TAB2: variants seen among roughly 807,000 people sequenced by gnomAD.
TAB2 encodes the protein TGF-beta-activated kinase 1 and MAP3K7-binding protein 2.
TAB2 carries 3 observed loss-of-function variants against 65.0 expected under a neutral mutation model. The observed-to-expected ratio is 0.05, with a 90% confidence interval of 0.02 to 0.12. The LOEUF is 0.12. TAB2 is among the 10% of genes least tolerant of loss of function. TAB2 has a pLI of 1.00. For missense variants in TAB2, 623 were observed against 840.3 expected (o/e 0.74, Z 3.20); for synonymous variants, 298 against 285.1 (o/e 1.05, Z -0.46).
At chr6:149,275,966 A>C (rs1418332986) in intron 1 of TAB2, among the ~76,000 whole-genome samples, 1 of 152,208 alleles carries the variant, frequency 6.6e-6, no homozygotes, top group African/African-American at 2.4e-5. Context: ...CCTGGGTAGG[A>C]TCCTGAAACA....
chr6:149,308,320 C>T (rs1183909197), intron 1 of TAB2, among the ~76,000 whole-genome samples: 1 of 152,110 alleles, frequency 6.6e-6, no homozygotes, highest in Non-Finnish European at 1.5e-5. Flanking sequence ...CTCCCACTCC[C>T]AGGATACAAG....
chr6:149,308,729 C>T (rs553674868), intron 1 of TAB2, among the ~76,000 whole-genome samples: 72 of 152,072 alleles, frequency 4.7e-4, no homozygotes, highest in South Asian at 2.1e-3. Context: ...GGTTTCACCA[C>T]GTTGACCAGG....
At chr6:149,357,539 T>C (rs1468929661) in intron 1 of TAB2, among the ~76,000 whole-genome samples, 1 of 151,940 alleles carries the variant, frequency 6.6e-6, no homozygotes, top group African/African-American at 2.4e-5. Context: ...CATTATACAT[T>C]GTTTAATTTA....
chr6:149,327,264 CAG>C (rs1487466256), intron 1 of TAB2, among the ~76,000 whole-genome samples: 7 of 150,120 alleles, frequency 4.7e-5, no homozygotes, highest in Admixed American at 3.3e-4. Flanking sequence ...AAATTTAAGA[CAG>C]ATTAAATGTT....
chr6:149,231,381 G>A (rs6910470), intron 1 of TAB2, among the ~76,000 whole-genome samples: 13,597 of 152,216 alleles, frequency 0.089, 959 homozygotes, highest in African/African-American at 0.2. Flanking sequence ...TGCATCTGTG[G>A]TTATATACTT....
chr6:149,268,661 C>T (rs1364680615), intron 1 of TAB2, among the ~76,000 whole-genome samples: 1 of 152,122 alleles, frequency 6.6e-6, no homozygotes, highest in Non-Finnish European at 1.5e-5. Context: ...CACTGCCTAG[C>T]AAATCATATT....
intron 1 of TAB2, among the ~76,000 whole-genome samples, chr6:149,262,869 T>C (rs1370880460): frequency 6.6e-6 from 1 of 152,138 alleles, no homozygotes; most frequent in Non-Finnish European, 1.5e-5. Context: ...TGTGGCACGA[T>C]TGTAGCTTAC....
intron 6 of TAB2, among the ~76,000 whole-genome samples, chr6:149,408,515 C>T (rs1445982834): frequency 6.6e-6 from 1 of 152,144 alleles, no homozygotes; most frequent in Non-Finnish European, 1.5e-5. Flanking sequence ...ACAATAGTCT[C>T]TCTTTTAAAA....
intron 6 of TAB2, among the ~76,000 whole-genome samples, chr6:149,403,651 C>T (rs1350011447): frequency 1.3e-5 from 2 of 152,018 alleles, no homozygotes; most frequent in East Asian, 3.9e-4. Context: ...TACCCACATG[C>T]TTTCTGTATA....
chr6:149,366,890 ATCC>A (rs1479464466), intron 1 of TAB2, among the ~76,000 whole-genome samples: 1 of 152,092 alleles, frequency 6.6e-6, no homozygotes, highest in Non-Finnish European at 1.5e-5. Flanking sequence ...TTCATGGTTC[ATCC>A]TCCTTTAAAT....
intron 1 of TAB2, among the ~76,000 whole-genome samples, chr6:149,233,241 A>G (rs1161401700): frequency 6.6e-6 from 1 of 152,184 alleles, no homozygotes; most frequent in East Asian, 1.9e-4. Flanking sequence ...TTGGGCACTT[A>G]GCACAGTGAC....
intron 1 of TAB2, among the ~76,000 whole-genome samples, chr6:149,254,087 A>AC (rs1281444067): frequency 0.13 from 19,319 of 143,118 alleles, 1,812 homozygotes; most frequent in East Asian, 0.25. Flanking sequence ...GGAAGGAAGG[A>AC]AGGAAGGAAG....
chr6:149,310,940 C>CA (rs1425082818), intron 1 of TAB2, among the ~76,000 whole-genome samples: 2 of 152,164 alleles, frequency 1.3e-5, no homozygotes, highest in Non-Finnish European at 2.9e-5. Context: ...TCTTGCTTCT[C>CA]ACTCCCTTTT....
chr6:149,267,708 G>C (rs893652253), intron 1 of TAB2, among the ~76,000 whole-genome samples: 13 of 151,996 alleles, frequency 8.6e-5, no homozygotes, highest in African/African-American at 3.1e-4. Context: ...CCCAAACCTA[G>C]ATGATATAGC....
rs564614360 is a variant in TAB2 at position 149,284,598 on chromosome 6, T to C, written c.-121+65822T>C. 2.6e-5 allele frequency among the ~76,000 whole-genome samples: 4 copies of C among 151,780 alleles called. No individual in the cohort carries two copies. The East Asian group carries it at 7.8e-4, about 29-fold the overall frequency. ...GTCGCATCTAATAAAAAATTAGATC[T>C]AATTTTCACTCTGAGTAAATTCATA... On this transcript the variant is annotated intron_variant, in intron 1 of 1. Coordinates refer to the TAB2 transcript ENST00000606202.
At chr6:149,231,212 TG>T (rs1291800428) in intron 1 of TAB2, among the ~76,000 whole-genome samples, 1 of 152,214 alleles carries the variant, frequency 6.6e-6, no homozygotes, top group Non-Finnish European at 1.5e-5. Flanking sequence ...AGACGAAATG[TG>T]GACAATGATT....
chr6:149,267,816 T>C (rs1778291287), intron 1 of TAB2, among the ~76,000 whole-genome samples: 1 of 152,150 alleles, frequency 6.6e-6, no homozygotes, highest in Non-Finnish European at 1.5e-5. Context: ...AACTGTAACA[T>C]AATGGTAAAT....
intron 1 of TAB2, among the ~76,000 whole-genome samples, chr6:149,290,367 C>A (rs1778754155): frequency 6.6e-6 from 1 of 152,120 alleles, no homozygotes; most frequent in Non-Finnish European, 1.5e-5. Flanking sequence ...CCCTCTGCAC[C>A]CTTCACCCCG....
At chr6:149,302,441 T>C (rs1033811819) in intron 1 of TAB2, among the ~76,000 whole-genome samples, 3 of 152,146 alleles carry the variant, frequency 2.0e-5, no homozygotes, top group Non-Finnish European at 4.4e-5. Flanking sequence ...TAATAAAAGG[T>C]AGTTAATTGG....
Sources: gnomAD v4.1 joint callset for allele counts (sites outside exome capture counted in the v4.1 genomes callset) on GRCh38, gnomAD v4.1.1 for gene constraint, MANE v1.5 for transcripts, NCBI Gene and HGNC (gene_info 2026-07-23, HGNC 2026-07-21) for gene names.